The following PLXDC2 variants were observed in gnomAD, a reference collection of about 807,000 sequenced individuals.
PLXDC2 encodes plexin domain-containing protein 2.
In PLXDC2, 40 loss-of-function variants were observed where a neutral mutation model predicts 68.9. The observed-to-expected ratio is 0.58, with a 90% CI of 0.45 to 0.76. The LOEUF (loss-of-function observed/expected upper bound fraction) is 0.76. Among genes scored for constraint, PLXDC2 ranks in the 30% least tolerant of loss-of-function variants. The pLI is 0.00. For missense variants in PLXDC2, 644 were observed against 661.9 expected (o/e 0.97, Z 0.30); for synonymous variants, 243 against 234.2 (o/e 1.04, Z -0.34).
At chr10:19,945,852 G>A (rs1171661325) in intron 1 of PLXDC2, among the ~76,000 whole-genome samples, 1 of 152,124 alleles carries the variant, frequency 6.6e-6, no homozygotes, top group East Asian at 1.9e-4. Flanking sequence ...AATCAGATAT[G>A]AAGGATTTAT....
At chr10:20,098,722 A>G (rs1833384614) in intron 4 of PLXDC2, among the ~76,000 whole-genome samples, 1 of 152,056 alleles carries the variant, frequency 6.6e-6, no homozygotes, top group East Asian at 1.9e-4. Flanking sequence ...ATAAATCTAA[A>G]CCAATTATGG....
chr10:20,054,597 G>A lies in PLXDC2; in HGVS notation c.471+7582G>A, dbSNP rs371814249. On this transcript the variant is annotated intron_variant, in intron 3 of 13. Coordinates refer to ENST00000377252, the MANE Select transcript of PLXDC2 (RefSeq NM_032812.9). ...AAACCATCGTTCTCAGCAAACTATC[G>A]CAAGGACAAAAAACCAAACACCGCA... 2.5e-3 allele frequency among the ~76,000 whole-genome samples: 375 copies of A among 152,000 alleles called. 2 individuals are homozygous for A. Among genetic ancestry groups the A allele is most frequent in the African/African-American group, 8.6e-3 (355 of 41,492 alleles).
chr10:19,913,086 T>C (rs185471700), intron 1 of PLXDC2, among the ~76,000 whole-genome samples: 1 of 152,210 alleles, frequency 6.6e-6, no homozygotes, highest in Non-Finnish European at 1.5e-5. Context: ...CTATACACAA[T>C]GAATTGAATC....
intron 5 of PLXDC2, among the ~76,000 whole-genome samples, chr10:20,144,977 G>A (rs1305421861): frequency 6.6e-6 from 1 of 152,134 alleles, no homozygotes; most frequent in East Asian, 1.9e-4. Flanking sequence ...AAAAATTGAT[G>A]TATACTACTC....
chr10:20,172,927 A>C (rs2131822480), intron 7 of PLXDC2, among the ~76,000 whole-genome samples: 1 of 152,312 alleles, frequency 6.6e-6, no homozygotes, highest in East Asian at 1.9e-4. Flanking sequence ...TTATTATTTC[A>C]GAGAATTAGA....
chr10:20,131,515 T>C (rs1833867747), intron 4 of PLXDC2, among the ~76,000 whole-genome samples: 1 of 152,190 alleles, frequency 6.6e-6, no homozygotes, highest in South Asian at 2.1e-4. Flanking sequence ...TTCTCCTGTC[T>C]CAGCCTCCCG....
At chr10:19,932,993 C>T (rs1441115343) in intron 1 of PLXDC2, among the ~76,000 whole-genome samples, 1 of 152,132 alleles carries the variant, frequency 6.6e-6, no homozygotes, top group Non-Finnish European at 1.5e-5. Context: ...TAAAATTTCC[C>T]TTTGCCAAAG....
chr10:20,261,958 C>A (rs1242430595), intron 13 of PLXDC2, among the ~76,000 whole-genome samples: 1 of 152,134 alleles, frequency 6.6e-6, no homozygotes, highest in African/African-American at 2.4e-5. Flanking sequence ...CCAGCATGGC[C>A]AACTAGAAGC....
chr10:19,980,078 G>A (rs1834526979), intron 1 of PLXDC2, among the ~76,000 whole-genome samples: 2 of 152,180 alleles, frequency 1.3e-5, no homozygotes, highest in Non-Finnish European at 2.9e-5. Context: ...CTGACTTCGT[G>A]TTTCAATTAT....
chr10:19,986,857 C>G (rs1834649936), intron 1 of PLXDC2, among the ~76,000 whole-genome samples: 1 of 152,152 alleles, frequency 6.6e-6, no homozygotes, highest in African/African-American at 2.4e-5. Flanking sequence ...TTAATTTATT[C>G]TAGAAGAGAT....
intron 4 of PLXDC2, among the ~76,000 whole-genome samples, chr10:20,087,724 C>A (rs1029307865): frequency 6.6e-6 from 1 of 152,114 alleles, no homozygotes; most frequent in African/African-American, 2.4e-5. Context: ...AATTTAAAAC[C>A]AAGGCCGATA....
chr10:20,068,612 T>G (rs1836259524), intron 4 of PLXDC2, among the ~76,000 whole-genome samples: 1 of 147,888 alleles, frequency 6.8e-6, no homozygotes, highest in Non-Finnish European at 1.5e-5. Context: ...GCTATATATA[T>G]ATTATATATA....
At chr10:19,976,107 G>C (rs1834449446) in intron 1 of PLXDC2, among the ~76,000 whole-genome samples, 1 of 152,180 alleles carries the variant, frequency 6.6e-6, no homozygotes, top group South Asian at 2.1e-4. Context: ...ATTTTAAGTT[G>C]AAATTCGTTT....
intron 1 of PLXDC2, among the ~76,000 whole-genome samples, chr10:19,915,883 GAA>G (rs1554844796): frequency 6.9e-6 from 1 of 144,292 alleles, no homozygotes; most frequent in Non-Finnish European, 1.5e-5. Context: ...AGAAGAAGAA[GAA>G]AAAAAACAGC....
Position 20,230,767 on chromosome 10 carries a change from CA to C in PLXDC2, c.1312+11677del, listed in dbSNP as rs1279231737. ...ACCATTATAATTTTTTTAAGTTAGACAAAAAAAAAAAATTAAGAAGGATATA... is the reference window on the plus strand; with the variant it reads ...ACCATTATAATTTTTTTAAGTTAGACAAAAAAAAAAATTAAGAAGGATATA... On this transcript the variant is annotated intron_variant, in intron 12 of 13. Coordinates refer to ENST00000377252, the MANE Select transcript of PLXDC2 (RefSeq NM_032812.9). 9.2e-3 allele frequency among the ~76,000 whole-genome samples: 601 copies of C among 65,048 alleles called. 1 individual carries two copies. Among genetic ancestry groups the C allele is most frequent in the Middle Eastern group, 0.032 (2 of 62 alleles). 42.7% of individuals were successfully genotyped at this position (65,048 alleles called of 152,430 possible).
At chr10:20,236,573 CAT>C (rs1835435228) in intron 12 of PLXDC2, among the ~76,000 whole-genome samples, 1 of 152,186 alleles carries the variant, frequency 6.6e-6, no homozygotes, top group African/African-American at 2.4e-5. Flanking sequence ...CTGCTGAAAA[CAT>C]ATGCGTAGGC....
chr10:19,937,965 G>A (rs760939714), intron 1 of PLXDC2, among the ~76,000 whole-genome samples: 2 of 152,034 alleles, frequency 1.3e-5, no homozygotes, highest in African/African-American at 4.8e-5. Context: ...TAGGCACAGG[G>A]TAACAATAGC....
chr10:19,930,588 A>C (rs1284164431), intron 1 of PLXDC2, among the ~76,000 whole-genome samples: 1 of 152,174 alleles, frequency 6.6e-6, no homozygotes, highest in African/African-American at 2.4e-5. Flanking sequence ...GGGTATACTG[A>C]TTTTGGAAAA....
At chr10:19,910,591 C>CTTTTT (rs1006322581) in intron 1 of PLXDC2, among the ~76,000 whole-genome samples, 1 of 92,552 alleles carries the variant, frequency 1.1e-5, no homozygotes, top group Non-Finnish European at 2.1e-5. Flanking sequence ...TAAGTGGTTG[C>CTTTTT]TTTTTTTTTT....
Sources: allele counts gnomAD v4.1 joint callset (sites outside exome capture counted in the v4.1 genomes callset), GRCh38; gene constraint gnomAD v4.1.1; transcripts MANE v1.5; gene names NCBI Gene and HGNC (gene_info 2026-07-23, HGNC 2026-07-21).